The following BRF1 variants were observed in gnomAD, a reference collection of about 807,000 sequenced individuals.
BRF1 encodes transcription factor IIIB 90 kDa subunit.
Under a neutral mutation model 81.7 loss-of-function variants are expected in BRF1, and 59 were observed. The ratio of observed to expected loss-of-function variants is 0.72; its 90% CI spans 0.59 to 0.90. The LOEUF is 0.90. Ranked by LOEUF, BRF1 falls within the 40% of genes least tolerant of loss-of-function variation. The probability of loss-of-function intolerance (pLI) is 0.00; values close to 1 mark genes in which losing one functional copy is unlikely to be tolerated. For missense variants in BRF1, 1,050 were observed against 936.3 expected, an observed-to-expected ratio of 1.12 and a Z score of -1.58; for synonymous variants, 491 against 395.6, an observed-to-expected ratio of 1.24 and a Z score of -2.86.
chr14:105,253,094 G>A (rs940784734), intron 4 of BRF1, among the ~76,000 whole-genome samples: 6 of 152,326 alleles, frequency 3.9e-5, no homozygotes, highest in Admixed American at 6.5e-5. Flanking sequence ...CCCCTGCCTC[G>A]GCTATCTGCC....
chr14:105,217,747 C>T lies in BRF1; in HGVS notation c.1569G>A (p.Glu523=), dbSNP rs1228351034. 4 of 1,613,448 alleles carry T rather than the reference C, an allele frequency of 2.5e-6. No homozygotes were observed. The highest frequency in any genetic ancestry group is 2.2e-5 in the East Asian group (1 of 44,880). The change falls in exon 15 of 18, where the codon GAG becomes GAA. Residue 523 remains glutamate (E), a synonymous_variant. Transcript: ENST00000547530. The part of the protein sequence containing the change: ...REPIQASTAR[E]AIEKMLEQKK... ...TCTGCTCCAGCATCTTCTCGATGGC[C>T]TCCCTGGCGGTACTGGCCTGAATTG...
At chr14:105,252,808 A>G (rs779100086) in intron 4 of BRF1, among the ~76,000 whole-genome samples, 8 of 152,120 alleles carry the variant, frequency 5.3e-5, no homozygotes, top group Non-Finnish European at 1.0e-4. Flanking sequence ...CTCGCCAATG[A>G]TGGCATCTGC....
intron 6 of BRF1, 40 bp from the exon 7 acceptor site, chr14:105,228,953 G>A (rs777038454): frequency 5.2e-5 from 83 of 1,590,460 alleles, no homozygotes; most frequent in Non-Finnish European, 6.9e-5. Flanking sequence ...CCACGGCTGG[G>A]AACCAGGGCA....
chr14:105,212,093 G>T lies in BRF1; in HGVS notation c.1824+20C>A. On this transcript the variant is annotated intron_variant, in intron 16 of 17. Coordinates refer to ENST00000547530, the MANE Select transcript of BRF1 (RefSeq NM_001519.4). ...CTGCCTCCCAAGGTCTCCCTGCCCT[G>T]GCTGCGTGGGACAACACACCTCTCC... 6.2e-7 allele frequency: 1 copy of T among 1,611,662 alleles called. No homozygotes were observed.
rs1478603607 is a variant in BRF1 at position 105,271,679 on chromosome 14, G to C, written c.439+1042C>G. Among the ~76,000 whole-genome samples, 2 of 152,222 alleles carry C rather than the reference G, an allele frequency of 1.3e-5. No homozygotes were observed. The highest frequency in any genetic ancestry group is 3.9e-4 in the East Asian group (2 of 5,188). On this transcript the variant is annotated intron_variant, in intron 3 of 17. Transcript: ENST00000547530. The surrounding 1 kb of genome is among the most constrained non-coding windows in gnomAD (Gnocchi z 5.5). ...AGAGCAGAGGAGGCTGGAAGGCTCT[G>C]GGCTCCCTGTCAAGAGGCCGAAGGC...
At chr14:105,281,939 A>G (rs1415513633) in intron 2 of BRF1, among the ~76,000 whole-genome samples, 1 of 152,134 alleles carries the variant, frequency 6.6e-6, no homozygotes, top group Non-Finnish European at 1.5e-5. Flanking sequence ...ACAGACCAAG[A>G]GAACAGAAAA....
intron 3 of BRF1, among the ~76,000 whole-genome samples, chr14:105,258,108 C>T (rs1316988146): frequency 6.6e-6 from 1 of 152,218 alleles, no homozygotes; most frequent in African/African-American, 2.4e-5. Context: ...ATGTTAATAA[C>T]ATAGGGAAAT....
At chr14:105,254,397 C>T (rs1311594883) in intron 4 of BRF1, among the ~76,000 whole-genome samples, 3 of 151,862 alleles carry the variant, frequency 2.0e-5, no homozygotes, top group African/African-American at 4.8e-5. Flanking sequence ...GTCAGGACTA[C>T]AGGCGCCCAC....
At chr14:105,225,537 A>C (rs1892946370) in intron 10 of BRF1, among the ~76,000 whole-genome samples, 1 of 152,240 alleles carries the variant, frequency 6.6e-6, no homozygotes, top group Admixed American at 6.5e-5. Flanking sequence ...CTAGTACAAC[A>C]TCAATGACAG....
Position 105,210,152 on chromosome 14 carries a change from A to C in BRF1, c.*399T>G, listed in dbSNP as rs1889905480. 1 of 280,060 alleles carries C rather than the reference A, an allele frequency of 3.6e-6. No homozygotes were observed. Among genetic ancestry groups the C allele is most frequent in the African/African-American group, 2.2e-5 (1 of 44,904 alleles). The allele number at this position is 280,060 out of a possible 1,614,324, so 17.3% of individuals were successfully genotyped here. A position where few individuals can be genotyped will look rare whatever the true frequency, so the allele number is the denominator to read the frequency against. On this transcript the variant is annotated 3_prime_UTR_variant, in exon 18 of 18. Transcript: ENST00000547530. This position sits in a 1 kb window ranked among gnomAD's most constrained non-coding sequence, Gnocchi z 4.7. ...GCGGAGGGTGGGCTGGAGACTCCAG[A>C]GCTGGTCCTGAGTCACAGGGCCAGC... is the stretch of plus-strand genomic sequence containing the variant.
rs1043315025 is a variant in BRF1 at position 105,269,521 on chromosome 14, C to A, written c.439+3200G>T. On this transcript the variant is annotated intron_variant, in intron 3 of 17. Coordinates refer to ENST00000547530, the MANE Select transcript of BRF1 (RefSeq NM_001519.4). The surrounding 1 kb of genome is among the most constrained non-coding windows in gnomAD (Gnocchi z 5.0). ...CTAATTTTAGAATGCGTGGGGGACA[C>A]GGGGTGGCTTCCTGGATGCTGCCAC... Among the ~76,000 whole-genome samples, 1 of 152,154 alleles carries A rather than the reference C, an allele frequency of 6.6e-6. No homozygotes were observed. Among genetic ancestry groups the A allele is most frequent in the African/African-American group, 2.4e-5 (1 of 41,426 alleles).
chr14:105,245,314 T>C (rs1566828391), intron 5 of BRF1, among the ~76,000 whole-genome samples: 1 of 151,998 alleles, frequency 6.6e-6, no homozygotes. Context: ...TGAGCTGAGA[T>C]CGTGCCACTG....
rs774826544 is a variant in BRF1, at chr14:105,221,749, G to A, written c.1214C>T (p.Pro405Leu). ...AAGSPEWGGR[P>L]PALGSLLDPL... The stretch of plus-strand genomic sequence containing the variant: ...GTCCAGCAGGGACCCCAGGGCCGGA[G>A]GTCTGCCGCCCCACTCGGGGCTTCC... Residue 405 changes from proline to leucine, a missense_variant, in exon 11 of 18, where the codon CCT (proline) becomes CTT (leucine). By Grantham distance (98) the Pro-to-Leu change is moderately conservative. Around this residue, in one of 2 missense-constraint regions of BRF1, gnomAD observed 1,043 missense variants for 915.4 expected, o/e 1.14. Transcript: ENST00000547530. 4 of 1,610,920 alleles carry A rather than the reference G, an allele frequency of 2.5e-6. No individual in the cohort carries two copies. The highest frequency in any genetic ancestry group is 2.2e-5 in the East Asian group (1 of 44,866).
chr14:105,314,665 T>G (rs2058475005), intron 1 of BRF1: 1 of 139,270 alleles, frequency 7.2e-6, no homozygotes, highest in South Asian at 2.2e-4. Context: ...CCGGCGCGGG[T>G]CGGAGGGCGC....
intron 10 of BRF1, among the ~76,000 whole-genome samples, chr14:105,224,798 G>A (rs587614465): frequency 6.6e-6 from 1 of 152,274 alleles, no homozygotes; most frequent in South Asian, 2.1e-4. Flanking sequence ...TCCTGTATTT[G>A]CCTCCCAAAG....
At chr14:105,241,974 C>G (rs1051878887) in intron 5 of BRF1, 2 of 162,410 alleles carry the variant, frequency 1.2e-5, no homozygotes, top group Non-Finnish European at 2.7e-5. Flanking sequence ...TGGAGCAGGA[C>G]AGGCTGGGCG....
intron 5 of BRF1, among the ~76,000 whole-genome samples, chr14:105,243,471 AAAT>A (rs2054862256): frequency 1.1e-5 from 1 of 89,862 alleles, no homozygotes. Context: ...AAAAAAATAA[AAAT>A]AAAAAATTAG....
chr14:105,283,756 T>C (rs958016776), intron 2 of BRF1, among the ~76,000 whole-genome samples: 1 of 152,172 alleles, frequency 6.6e-6, no homozygotes, highest in Non-Finnish European at 1.5e-5. Flanking sequence ...CCGCGAGTTT[T>C]TGGGAAAATA....
rs1271094569 is a variant in BRF1 at position 105,209,639 on chromosome 14, C to T, written c.*912G>A. 1 of 690,376 alleles carries T rather than the reference C, an allele frequency of 1.4e-6. No individual in the cohort carries two copies. The highest frequency in any genetic ancestry group is 2.6e-6 in the Non-Finnish European group (1 of 377,404). 42.8% of individuals were successfully genotyped at this position (690,376 alleles called of 1,614,324 possible). ...GGGAGGCTCTCGGGCCTCCGTCTGC[C>T]CTCCCTCCTCGATGGGGGGCCTGAT... On this transcript the variant is annotated 3_prime_UTR_variant, in exon 18 of 18. Coordinates refer to ENST00000547530, the MANE Select transcript of BRF1 (RefSeq NM_001519.4).
Sources: gnomAD v4.1 joint callset for allele counts (sites outside exome capture counted in the v4.1 genomes callset) on GRCh38, gnomAD v4.1.1 for gene constraint, gnomAD v4.1.1 regional missense constraint, Gnocchi (gnomAD v3.1) non-coding constraint, MANE v1.5 for transcripts, NCBI Gene and HGNC (gene_info 2026-07-23, HGNC 2026-07-21) for gene names.